Variants in CPEB3 observed in about 807,000 individuals in gnomAD.
CPEB3 encodes cytoplasmic polyadenylation element binding protein 3.
Under a neutral mutation model 67.2 loss-of-function variants are expected in CPEB3, and 20 were observed. The observed-to-expected ratio is 0.30, with a 90% confidence interval of 0.21 to 0.43. CPEB3 has a LOEUF of 0.43. CPEB3 is among the 20% of genes least tolerant of loss of function. The pLI is 1.00. For synonymous variants in CPEB3, 376 were observed against 393.1 expected, an observed-to-expected ratio of 0.96 and a Z score of 0.51; for missense variants, 746 against 968.6, an observed-to-expected ratio of 0.77 and a Z score of 3.05.
At chr10:92,056,792 C>T (rs1842128746) in intron 9 of CPEB3, among the ~76,000 whole-genome samples, 1 of 152,206 alleles carries the variant, frequency 6.6e-6, no homozygotes. Flanking sequence ...CCAGGCTGCA[C>T]AGCTCATGGC....
Position 92,137,862 on chromosome 10 carries a change from A to G in CPEB3, c.1453+5167T>C, listed in dbSNP as rs12250410. The G allele has an allele frequency of 9.7e-3, 1,718 of 176,940 alleles. 29 individuals are homozygous for G. The highest frequency in any genetic ancestry group is 0.037 in the African/African-American group (1,535 of 41,920). The allele number at this position is 176,940 out of a possible 1,614,324, so 11.0% of individuals were successfully genotyped here. A position where few individuals can be genotyped will look rare whatever the true frequency, so the allele number is the denominator to read the frequency against. ...AAATACAAAAAGAAATTAGCCGGGC[A>G]TGGTGGCAAGTGCCTGTAGTCCCAG... On this transcript the variant is annotated intron_variant, in intron 6 of 9. Coordinates refer to ENST00000265997, the MANE Select transcript of CPEB3 (RefSeq NM_014912.5).
chr10:92,066,644 G>C (rs1202849180), intron 9 of CPEB3, among the ~76,000 whole-genome samples: 1 of 152,052 alleles, frequency 6.6e-6, no homozygotes, highest in Non-Finnish European at 1.5e-5. Flanking sequence ...AGTACATCTA[G>C]CCAGGCCTAA....
At chr10:92,107,112 A>C (rs558848516) in intron 7 of CPEB3, among the ~76,000 whole-genome samples, 1 of 152,358 alleles carries the variant, frequency 6.6e-6, no homozygotes, top group South Asian at 2.1e-4. Flanking sequence ...AATGACAGAC[A>C]CATGGGACAG....
chr10:92,105,868 A>C (rs1844423783), intron 7 of CPEB3, among the ~76,000 whole-genome samples: 1 of 151,410 alleles, frequency 6.6e-6, no homozygotes, highest in African/African-American at 2.4e-5. Flanking sequence ...GGCGTCCGCC[A>C]CCATGCCTGG....
intron 4 of CPEB3, among the ~76,000 whole-genome samples, chr10:92,172,622 G>A (rs1313855690): frequency 6.6e-6 from 1 of 152,182 alleles, no homozygotes. Context: ...TATGACATTA[G>A]CAACATGCTG....
At chr10:92,237,675 C>G (rs1175364703) in intron 2 of CPEB3, among the ~76,000 whole-genome samples, 1 of 152,040 alleles carries the variant, frequency 6.6e-6, no homozygotes, top group Non-Finnish European at 1.5e-5. Flanking sequence ...AACTCAGGTA[C>G]GGAGCATGAG....
At chr10:92,193,817 G>A (rs2134186985) in intron 2 of CPEB3, among the ~76,000 whole-genome samples, 1 of 147,528 alleles carries the variant, frequency 6.8e-6, no homozygotes, top group Non-Finnish European at 1.5e-5. Context: ...TTTTTTTTAA[G>A]ACAGAGTCTG....
chr10:92,196,419 C>T (rs1849237120), intron 2 of CPEB3, among the ~76,000 whole-genome samples: 1 of 152,160 alleles, frequency 6.6e-6, no homozygotes, highest in African/African-American at 2.4e-5. Flanking sequence ...GGCTCTCCCA[C>T]TTACTGGCAT....
Position 92,091,849 on chromosome 10 carries a change from A to T in CPEB3, c.1668T>A (p.Val556=), listed in dbSNP as rs577416184. The change falls in exon 8 of 10, where the codon GTT becomes GTA. Residue 556 remains valine (V), a synonymous_variant. Coordinates refer to ENST00000265997, the MANE Select transcript of CPEB3 (RefSeq NM_014912.5). ...DPRKTIFVGG[V]PRPLRAVELA... ...ACTCACCAGCTCGAAGGGGTCGTGG[A>T]ACTCCCCCAACAAAGATAGTTTTTC... The T allele has an allele frequency of 8.4e-5, 135 of 1,611,066 alleles. 1 individual carries two copies. The South Asian group carries it at 1.5e-3, about 17-fold the overall frequency.
chr10:92,257,496 A>G (rs1852568970), intron 1 of CPEB3, among the ~76,000 whole-genome samples: 1 of 151,864 alleles, frequency 6.6e-6, no homozygotes, highest in Non-Finnish European at 1.5e-5. Flanking sequence ...GAGTTTTGCC[A>G]TGTTGCCCAG....
rs992163122 is a variant in CPEB3 at position 92,149,812 on chromosome 10, T to C, written c.1223-4727A>G. 5.3e-5 allele frequency among the ~76,000 whole-genome samples: 8 copies of C among 152,000 alleles called. 1 individual carries two copies. The South Asian group carries it at 1.7e-3, about 32-fold the overall frequency. On this transcript the variant is annotated intron_variant, in intron 4 of 9. Transcript: ENST00000265997. ...ATCTACTAATCTGAATCTGTGGGGG[T>C]CAGGCTTGAAAATCTGTATTTGCAC...
intron 4 of CPEB3, among the ~76,000 whole-genome samples, chr10:92,178,714 G>A (rs1848334818): frequency 6.6e-6 from 1 of 151,994 alleles, no homozygotes; most frequent in African/African-American, 2.4e-5. Flanking sequence ...TAAAAAAGAA[G>A]ACAAAAATAA....
chr10:92,276,563 G>A (rs1842000466), intron 1 of CPEB3, among the ~76,000 whole-genome samples: 1 of 152,214 alleles, frequency 6.6e-6, no homozygotes, highest in Non-Finnish European at 1.5e-5. Context: ...ACAGGCGTGA[G>A]CCACCATGCC....
At chr10:92,159,472 G>A (rs1847362325) in intron 4 of CPEB3, among the ~76,000 whole-genome samples, 1 of 152,048 alleles carries the variant, frequency 6.6e-6, no homozygotes, top group Non-Finnish European at 1.5e-5. Context: ...AGGAGTTTGA[G>A]ACCATCCTGG....
intron 2 of CPEB3, among the ~76,000 whole-genome samples, chr10:92,214,864 T>A (rs1165092639): frequency 6.6e-6 from 1 of 152,132 alleles, no homozygotes; most frequent in African/African-American, 2.4e-5. Flanking sequence ...ATTTCTTTTT[T>A]TTGAGACAGA....
At chr10:92,111,641 C>G (rs1487667974) in intron 6 of CPEB3, among the ~76,000 whole-genome samples, 1 of 152,144 alleles carries the variant, frequency 6.6e-6, no homozygotes, top group Non-Finnish European at 1.5e-5. Flanking sequence ...TCTATCAAGA[C>G]AAAAAATAGA....
chr10:92,065,138 C>T (rs955380882), intron 9 of CPEB3, among the ~76,000 whole-genome samples: 6 of 152,186 alleles, frequency 3.9e-5, no homozygotes, highest in Admixed American at 1.3e-4. Context: ...TAATGTCCCC[C>T]ATATTGGGTA....
At chr10:92,116,517 G>A (rs1001511660) in intron 6 of CPEB3, among the ~76,000 whole-genome samples, 1 of 151,832 alleles carries the variant, frequency 6.6e-6, no homozygotes, top group African/African-American at 2.4e-5. Flanking sequence ...AACCAATTAT[G>A]CCTATAAACA....
intron 1 of CPEB3, among the ~76,000 whole-genome samples, chr10:92,246,852 T>C (rs1315822727): frequency 6.6e-6 from 1 of 152,176 alleles, no homozygotes; most frequent in Non-Finnish European, 1.5e-5. Context: ...TTTTAAGTTA[T>C]TCCTTTCAAA....
Sources: allele counts gnomAD v4.1 joint callset (sites outside exome capture counted in the v4.1 genomes callset), GRCh38; gene constraint gnomAD v4.1.1; transcripts MANE v1.5; gene names NCBI Gene and HGNC (gene_info 2026-07-23, HGNC 2026-07-21).